TENM2: variants seen among roughly 807,000 people sequenced by gnomAD.
The protein encoded by TENM2 is teneurin transmembrane protein 2.
A neutral mutation model predicts 245.2 loss-of-function variants in TENM2; 52 were observed. That is an observed-to-expected ratio of 0.21 (90% CI 0.17 to 0.27). The LOEUF is 0.27. Among genes scored for constraint, TENM2 ranks in the 10% least tolerant of loss-of-function variants. TENM2 has a pLI of 1.00. For synonymous variants in TENM2, 1,363 were observed against 1,438.9 expected (o/e 0.95, Z 1.19); for missense variants, 3,046 against 3,666.8 (o/e 0.83, Z 4.37).
intron 2 of TENM2, among the ~76,000 whole-genome samples, chr5:167,484,260 G>A (rs370960555): frequency 3.2e-4 from 49 of 152,214 alleles, no homozygotes; most frequent in Admixed American, 1.2e-3. Context: ...CAGGAGAATC[G>A]CTTGAACCCC....
At chr5:168,241,914 G>C (rs776091098) in intron 25 of TENM2, among the ~76,000 whole-genome samples, 1 of 152,180 alleles carries the variant, frequency 6.6e-6, no homozygotes, top group Non-Finnish European at 1.5e-5. Context: ...TCTGAAAGGA[G>C]CTTAGGGAAA....
At position 168,247,792 on chromosome 5, in the gene TENM2, C is replaced by G; in HGVS notation, c.6853C>G (p.Leu2285Val). 8.1e-6 allele frequency: 13 copies of G among 1,613,976 alleles called. No individual in the cohort carries two copies. Among genetic ancestry groups the G allele is most frequent in the Non-Finnish European group, 1.0e-5 (12 of 1,179,890 alleles). ...CATCTTCGAATACAATTCCAAGGGCCTCCTAACAAGAGCCTACAACAAGGC... is the reference window on the plus strand; with the variant it reads ...CATCTTCGAATACAATTCCAAGGGCGTCCTAACAAGAGCCTACAACAAGGC... Residue 2285 changes from leucine to valine, a missense_variant, in exon 27 of 29, where the codon CTC becomes GTC. Leu to Val is a conservative substitution (Grantham distance 32). Transcript: ENST00000518659. This position sits in a 1 kb window ranked among gnomAD's most constrained non-coding sequence, Gnocchi z 7.8.
At chr5:167,523,684 C>G (rs184511588) in intron 2 of TENM2, among the ~76,000 whole-genome samples, 3 of 152,118 alleles carry the variant, frequency 2.0e-5, no homozygotes, top group Admixed American at 2.0e-4. Flanking sequence ...TGAGAGAGCA[C>G]TTTGTAACCA....
chr5:167,426,670 A>T (rs1763845560), intron 2 of TENM2, among the ~76,000 whole-genome samples: 1 of 152,092 alleles, frequency 6.6e-6, no homozygotes, highest in Non-Finnish European at 1.5e-5. Flanking sequence ...TTGGTATTTA[A>T]CTGAACTGAT....
At chr5:168,208,298 A>G (rs1406870877) in intron 19 of TENM2, among the ~76,000 whole-genome samples, 1 of 152,232 alleles carries the variant, frequency 6.6e-6, no homozygotes, top group Non-Finnish European at 1.5e-5. Context: ...TTAAACATAA[A>G]ATAATATTAT....
At chr5:167,095,641 TAAATA>T in the TENM2 span, among the ~76,000 whole-genome samples, 1 of 152,088 alleles carries the variant, frequency 6.6e-6, no homozygotes, top group Admixed American at 6.6e-5. Flanking sequence ...AAAAAATTAA[TAAATA>T]AAACGCCTAC....
At chr5:167,289,332 G>A (rs1468321616) in intron 1 of TENM2, among the ~76,000 whole-genome samples, 1 of 152,218 alleles carries the variant, frequency 6.6e-6, no homozygotes, top group Non-Finnish European at 1.5e-5. Context: ...GGGCCAGAGA[G>A]TTCAGCCAGC....
chr5:167,076,240 C>T, the TENM2 span, among the ~76,000 whole-genome samples: 1 of 152,084 alleles, frequency 6.6e-6, no homozygotes, highest in Non-Finnish European at 1.5e-5. Flanking sequence ...CTAGGGCAGC[C>T]GTACCTACTT....
At chr5:166,990,869 GAA>G in the TENM2 span, among the ~76,000 whole-genome samples, 1 of 152,186 alleles carries the variant, frequency 6.6e-6, no homozygotes, top group Non-Finnish European at 1.5e-5. Flanking sequence ...CTGTTGAAGA[GAA>G]GAGCTGTTGA....
At chr5:167,738,205 G>A (rs1031419815) in intron 2 of TENM2, among the ~76,000 whole-genome samples, 1 of 151,462 alleles carries the variant, frequency 6.6e-6, no homozygotes. Flanking sequence ...TAGCAATGCA[G>A]TAGCACGGTG....
upstream of TENM2, among the ~76,000 whole-genome samples, chr5:167,284,363 G>A (rs1010580985): frequency 6.6e-6 from 1 of 152,060 alleles, no homozygotes; most frequent in African/African-American, 2.4e-5. Context: ...TTTGGAGGGG[G>A]GGTGGTATTT....
chr5:166,986,543 T>G, the TENM2 span, among the ~76,000 whole-genome samples: 1 of 152,202 alleles, frequency 6.6e-6, no homozygotes, highest in South Asian at 2.1e-4. Flanking sequence ...TTTATATAAT[T>G]CTTCAGTTCC....
At chr5:167,951,647 G>A (rs1029028070) in intron 3 of TENM2, among the ~76,000 whole-genome samples, 3 of 152,174 alleles carry the variant, frequency 2.0e-5, no homozygotes, top group East Asian at 1.9e-4. Context: ...ATTTGGAGTC[G>A]GGGTCATGGC....
chr5:167,740,893 A>G (rs910793629), intron 2 of TENM2, among the ~76,000 whole-genome samples: 1 of 152,020 alleles, frequency 6.6e-6, no homozygotes, highest in East Asian at 1.9e-4. Flanking sequence ...CTGGGCTCCA[A>G]CCACCTCAGT....
chr5:167,928,279 A>G (rs975588182), intron 3 of TENM2, among the ~76,000 whole-genome samples: 1 of 152,150 alleles, frequency 6.6e-6, no homozygotes, highest in African/African-American at 2.4e-5. Flanking sequence ...AAACCTATCA[A>G]TTATATTCTC....
exon 1 of TENM2, chr5:167,285,035 C>T: frequency 6.4e-7 from 1 of 1,552,158 alleles, no homozygotes; most frequent in Non-Finnish European, 8.7e-7. Context: ...ACCTCATCCA[C>T]CGGGAGTCAG....
chr5:167,205,053 T>C, the TENM2 span, among the ~76,000 whole-genome samples: 6 of 152,202 alleles, frequency 3.9e-5, no homozygotes, highest in African/African-American at 9.6e-5. Context: ...AAACACCTCA[T>C]ACAATTATTG....
intron 2 of TENM2, among the ~76,000 whole-genome samples, chr5:167,677,236 G>A (rs1756392453): frequency 6.6e-6 from 1 of 151,970 alleles, no homozygotes; most frequent in Admixed American, 6.6e-5. Context: ...CTAATGATAA[G>A]CAAAATTTTA....
intron 2 of TENM2, among the ~76,000 whole-genome samples, chr5:167,793,835 A>T (rs1179796039): frequency 2.0e-5 from 3 of 151,994 alleles, no homozygotes; most frequent in Admixed American, 6.6e-5. Context: ...GTCTAAAAAA[A>T]AAAAAGAAAA....
Sources: allele counts gnomAD v4.1 joint callset (sites outside exome capture counted in the v4.1 genomes callset), GRCh38; gene constraint gnomAD v4.1.1; non-coding constraint Gnocchi (gnomAD v3.1); transcripts MANE v1.5; gene names NCBI Gene and HGNC (gene_info 2026-07-23, HGNC 2026-07-21).